MBTPS2: variants seen among roughly 807,000 people sequenced by gnomAD.
The protein encoded by MBTPS2 is membrane bound transcription factor peptidase, site 2.
Under a neutral mutation model 35.4 loss-of-function variants are expected in MBTPS2, and 2 were observed. That is an observed-to-expected ratio of 0.06 (90% CI 0.02 to 0.18). The LOEUF is 0.18. MBTPS2 is among the 10% of genes least tolerant of loss of function. MBTPS2 has a pLI of 1.00. For missense variants in MBTPS2, 244 were observed against 386.5 expected, an observed-to-expected ratio of 0.63 and a Z score of 3.09; for synonymous variants, 125 against 140.4, an observed-to-expected ratio of 0.89 and a Z score of 0.77.
intron 5 of MBTPS2, among the ~76,000 whole-genome samples, chrX:21,867,334 A>G (rs887417084): frequency 4.5e-5 from 5 of 112,016 alleles, no homozygotes; most frequent in South Asian, 3.7e-4. Flanking sequence ...TTTGAATAAA[A>G]TTAGTTATAT....
In MBTPS2 at chrX:21,883,386, A is replaced by G. The variant is rs1271033502; in HGVS notation, c.*731A>G. ...TTTGACATCCACGGTGAGCTGCAGGAAGCATCACACACCAGCAGCATGTGA... is the reference window on the plus strand; with the variant it reads ...TTTGACATCCACGGTGAGCTGCAGGGAGCATCACACACCAGCAGCATGTGA... On this transcript the variant is annotated 3_prime_UTR_variant, in exon 11 of 11. Coordinates refer to ENST00000379484, the MANE Select transcript of MBTPS2 (RefSeq NM_015884.4). The G allele has an allele frequency of 4.0e-6, 3 of 753,128 alleles. No individual in the cohort carries two copies. The African/African-American group carries it at 7.0e-5, about 17-fold the overall frequency. The allele number at this position is 753,128 out of a possible 1,213,427, so 62.1% of individuals were successfully genotyped here.
At chrX:21,867,522 G>A (rs1471131393) in intron 5 of MBTPS2, among the ~76,000 whole-genome samples, 3 of 110,286 alleles carry the variant, frequency 2.7e-5, no homozygotes, top group Non-Finnish European at 3.8e-5. Flanking sequence ...TTAGGGGCGA[G>A]AAAGTCTTCC....
chrX:21,849,356 G>A (rs2092912144), intron 3 of MBTPS2, among the ~76,000 whole-genome samples: 1 of 112,020 alleles, frequency 8.9e-6, no homozygotes, highest in Non-Finnish European at 1.9e-5. Context: ...AAACAAGTCA[G>A]GTTATCAGTA....
chrX:21,863,838 C>T (rs2092936306), intron 5 of MBTPS2, among the ~76,000 whole-genome samples: 2 of 111,866 alleles, frequency 1.8e-5, no homozygotes, highest in African/African-American at 3.2e-5. Context: ...AACAGCTTTG[C>T]CCTGCCGTCT....
chrX:21,862,933 CATATATATATATATATATATATATAT>C (rs542223686), intron 5 of MBTPS2, among the ~76,000 whole-genome samples: 3 of 27,675 alleles, frequency 1.1e-4, no homozygotes, highest in South Asian at 2.7e-3. Context: ...TATATATAAA[CATATATATATATATATATATATATAT>C]ATATATATAA....
At chrX:21,845,496 C>T (rs2092907762) in intron 3 of MBTPS2, 112 bp downstream of exon 3, 9 of 766,889 alleles carry the variant, frequency 1.2e-5, no homozygotes, top group Non-Finnish European at 1.6e-5. Context: ...AATTAAAAGT[C>T]TCATAATTTT....
chrX:21,860,769 T>C (rs993505328), intron 5 of MBTPS2, among the ~76,000 whole-genome samples: 1 of 112,407 alleles, frequency 8.9e-6, no homozygotes, highest in Non-Finnish European at 1.9e-5. Flanking sequence ...GAATTCATAG[T>C]AGTATCCTAA....
At chrX:21,856,243 A>C (rs2092921180) in intron 5 of MBTPS2, 1 of 392,883 alleles carries the variant, frequency 2.5e-6, no homozygotes, top group Non-Finnish European at 4.4e-6. Flanking sequence ...CTATCCCAGA[A>C]GCACCTGCGC....
chrX:21,873,997 G>GTATA (rs1487065636), intron 7 of MBTPS2, among the ~76,000 whole-genome samples: 2,096 of 72,326 alleles, frequency 0.029, 135 homozygotes, highest in African/African-American at 0.11. Context: ...GTGTGTGTGT[G>GTATA]TGTGTATATA....
At chrX:21,855,510 C>T in intron 5 of MBTPS2, among the ~76,000 whole-genome samples, 1 of 109,976 alleles carries the variant, frequency 9.1e-6, no homozygotes, top group Non-Finnish European at 1.9e-5. Context: ...AGGCTCACTG[C>T]AACCTCTGCC....
chrX:21,856,274 C>T (rs1185844681), intron 5 of MBTPS2: 9 of 426,098 alleles, frequency 2.1e-5, no homozygotes, highest in Admixed American at 4.3e-5. Context: ...GTGCTTTCCT[C>T]AGTCTCGCGC....
At chrX:21,843,533 G>A (rs2092905140) in intron 2 of MBTPS2, among the ~76,000 whole-genome samples, 2 of 111,452 alleles carry the variant, frequency 1.8e-5, no homozygotes, top group Admixed American at 1.9e-4. Context: ...TTATAGTTAG[G>A]GGCTTTACAA....
At chrX:21,868,621 G>C in intron 6 of MBTPS2, 36 bp downstream of exon 6, 1 of 915,737 alleles carries the variant, frequency 1.1e-6, no homozygotes, top group Non-Finnish European at 1.6e-6. Flanking sequence ...TCTTTCATCA[G>C]ATGTTGTGAT....
intron 5 of MBTPS2, among the ~76,000 whole-genome samples, chrX:21,861,812 A>T (rs1322905118): frequency 1.5e-4 from 16 of 106,746 alleles, no homozygotes; most frequent in Non-Finnish European, 5.9e-5. Flanking sequence ...CATTTACCTG[A>T]TAAGTCCTAG....
Position 21,856,604 on chromosome X carries a change from C to T in MBTPS2, c.670+3101C>T, listed in dbSNP as rs754043000. 6.6e-6 allele frequency: 8 copies of T among 1,210,376 alleles called. No individual in the cohort carries two copies. In the East Asian group the frequency reaches 2.4e-4, roughly 36 times the overall value. On this transcript the variant is annotated intron_variant, in intron 5 of 10. Transcript: ENST00000379484. ...TGGAGGACATTCCGACGGAAAGCGT[C>T]CAGTACGAGGATGTGGATGGCAATT... is the stretch of plus-strand genomic sequence containing the variant.
rs1016007321 is a variant in MBTPS2 at position 21,883,560 on chromosome X, T to C, written c.*905T>C. The C allele has an allele frequency of 1.2e-5, 9 of 752,322 alleles. No individual in the cohort carries two copies. Among genetic ancestry groups the C allele is most frequent in the Non-Finnish European group, 1.4e-5 (9 of 639,085 alleles). 62.0% of individuals were successfully genotyped at this position (752,322 alleles called of 1,213,427 possible). On this transcript the variant is annotated 3_prime_UTR_variant, in exon 11 of 11. Transcript: ENST00000379484. ...ACCCTTCCAGGGTAAACATTTTCTCTTGTGCTGCTCAGGACATCTGGGGCC... is the reference window on the plus strand; with the variant it reads ...ACCCTTCCAGGGTAAACATTTTCTCCTGTGCTGCTCAGGACATCTGGGGCC...
intron 5 of MBTPS2, among the ~76,000 whole-genome samples, chrX:21,864,788 A>G (rs2092937492): frequency 9.0e-6 from 1 of 110,805 alleles, no homozygotes; most frequent in Non-Finnish European, 1.9e-5. Context: ...GTACCACTGC[A>G]CTCCAGCTGG....
Position 21,865,172 on chromosome X carries a change from G to C in MBTPS2, c.671-3295G>C, listed in dbSNP as rs1456163735. 2.8e-5 allele frequency among the ~76,000 whole-genome samples: 3 copies of C among 105,756 alleles called. No homozygotes were observed. The Admixed American group carries it at 3.1e-4, about 11-fold the overall frequency. 91.8% of individuals were successfully genotyped at this position (105,756 alleles called of 115,157 possible). ...GTGCTGGGATTACAGGCATGAGCTAGAGCTACCACACGGGGCTATTTCTTT... is the reference window on the plus strand; with the variant it reads ...GTGCTGGGATTACAGGCATGAGCTACAGCTACCACACGGGGCTATTTCTTT... On this transcript the variant is annotated intron_variant, in intron 5 of 10. Coordinates refer to ENST00000379484, the MANE Select transcript of MBTPS2 (RefSeq NM_015884.4).
rs2092900384 is a variant in MBTPS2, at chrX:21,839,645, T to C, written c.-90T>C. 1.0e-6 allele frequency: 1 copy of C among 966,507 alleles called. No individual in the cohort carries two copies. The highest frequency in any genetic ancestry group is 1.4e-6 in the Non-Finnish European group (1 of 690,766). 79.7% of individuals were successfully genotyped at this position (966,507 alleles called of 1,213,427 possible). On this transcript the variant is annotated 5_prime_UTR_variant, in exon 1 of 11. Coordinates refer to ENST00000379484, the MANE Select transcript of MBTPS2 (RefSeq NM_015884.4). ...GGTAGCTTGGTTCCTGAGCGGATGC[T>C]GGGGCTGTAAGGCGCGCGCGGTCAG... is the stretch of plus-strand genomic sequence containing the variant.
Sources: gnomAD v4.1 joint callset for allele counts (sites outside exome capture counted in the v4.1 genomes callset) on GRCh38, gnomAD v4.1.1 for gene constraint, MANE v1.5 for transcripts, NCBI Gene and HGNC (gene_info 2026-07-23, HGNC 2026-07-21) for gene names.